ACTR3C: variants seen among roughly 807,000 people sequenced by gnomAD.
ACTR3C encodes the protein actin-related protein 3C.
In ACTR3C, 18 loss-of-function variants were observed where a neutral mutation model predicts 26.3. The ratio of observed to expected loss-of-function variants is 0.68; its 90% CI spans 0.47 to 1.01. ACTR3C has a LOEUF of 1.01. Among genes scored for constraint, ACTR3C ranks in the 50% least tolerant of loss-of-function variants. The probability of loss-of-function intolerance (pLI) is 0.00; values close to 1 mark genes in which losing one functional copy is unlikely to be tolerated. For synonymous variants in ACTR3C, 55 were observed against 94.5 expected (o/e 0.58, Z 2.42); for missense variants, 184 against 250.7 (o/e 0.73, Z 1.80).
the ACTR3C span, among the ~76,000 whole-genome samples, chr7:149,897,168 C>T: frequency 6.6e-6 from 1 of 151,294 alleles, no homozygotes; most frequent in Admixed American, 6.6e-5. Flanking sequence ...AATGTAAATT[C>T]AGAAAAATAA....
the ACTR3C span, among the ~76,000 whole-genome samples, chr7:150,020,563 C>T: frequency 2.6e-5 from 4 of 152,050 alleles, no homozygotes; most frequent in Admixed American, 6.5e-5. Context: ...ATTTGTTTCA[C>T]GCCATGCTTA....
chr7:149,961,115 T>C, the ACTR3C span, among the ~76,000 whole-genome samples: 2 of 150,816 alleles, frequency 1.3e-5, 1 homozygote, highest in South Asian at 4.2e-4. Context: ...TCACAGGAAG[T>C]GTACAGTCAC....
chr7:150,236,241 G>C, the ACTR3C span, among the ~76,000 whole-genome samples: 11 of 152,192 alleles, frequency 7.2e-5, no homozygotes, highest in African/African-American at 2.7e-4. Flanking sequence ...TGAGAGAAAA[G>C]TATCCATGGT....
At chr7:150,295,137 G>A (rs1261266250) in intron 2 of ACTR3C, 115 bp downstream of exon 2, 10 of 1,276,014 alleles carry the variant, frequency 7.8e-6, no homozygotes, top group Admixed American at 2.3e-5. Flanking sequence ...GGGAGGGAGT[G>A]GAAAAAGGAA....
chr7:150,260,126 G>T lies in ACTR3C; in HGVS notation c.565-11072C>A, dbSNP rs1394668705. Reference sequence around the variant, plus strand: ...TATTGCCTATAACTGTTTTTGTACTGCCCTCAGTTGCAACAGAGGCTGCCT... The same window carrying T: ...TATTGCCTATAACTGTTTTTGTACTTCCCTCAGTTGCAACAGAGGCTGCCT... On this transcript the variant is annotated intron_variant, in intron 6 of 7. Transcript: ENST00000683684. Among the ~76,000 whole-genome samples, 13 of 152,056 alleles carry T rather than the reference G, an allele frequency of 8.5e-5. 1 individual carries two copies. The highest frequency in any genetic ancestry group is 7.9e-4 in the Admixed American group (12 of 15,268).
At chr7:150,039,679 G>A in the ACTR3C span, among the ~76,000 whole-genome samples, 7 of 119,840 alleles carry the variant, frequency 5.8e-5, no homozygotes, top group African/African-American at 8.8e-5. Context: ...TAGGATCAAC[G>A]ATGGGGGGTC....
the ACTR3C span, among the ~76,000 whole-genome samples, chr7:150,213,261 GAGAAA>G: frequency 3.1e-4 from 47 of 152,210 alleles, no homozygotes; most frequent in African/African-American, 1.1e-3. Context: ...CCAAGTGTGT[GAGAAA>G]AGAAAAGGGG....
At chr7:150,120,855 G>A in the ACTR3C span, among the ~76,000 whole-genome samples, 1 of 152,130 alleles carries the variant, frequency 6.6e-6, no homozygotes, top group Non-Finnish European at 1.5e-5. Context: ...CTGGAAAACT[G>A]AATACAGCAG....
At chr7:149,901,910 C>CAAA in the ACTR3C span, among the ~76,000 whole-genome samples, 6 of 56,760 alleles carry the variant, frequency 1.1e-4, no homozygotes, top group African/African-American at 4.5e-4. Flanking sequence ...GACTCTGTCT[C>CAAA]AAAAAAAAAA....
the ACTR3C span, among the ~76,000 whole-genome samples, chr7:150,143,379 G>A: frequency 6.6e-6 from 1 of 152,100 alleles, no homozygotes; most frequent in Non-Finnish European, 1.5e-5. Context: ...TCCCCCTATT[G>A]TCGTGGGGGA....
chr7:150,117,917 C>T, the ACTR3C span, among the ~76,000 whole-genome samples: 29 of 152,196 alleles, frequency 1.9e-4, no homozygotes, highest in African/African-American at 7.0e-4. Context: ...GTTCTGCAGC[C>T]TCCACTGGTG....
At chr7:150,253,564 G>T (rs891477672) in intron 6 of ACTR3C, among the ~76,000 whole-genome samples, 1 of 152,000 alleles carries the variant, frequency 6.6e-6, no homozygotes, top group African/African-American at 2.4e-5. Context: ...GTTTTTTGTG[G>T]ATTGATTTTA....
chr7:150,034,034 G>C, the ACTR3C span, among the ~76,000 whole-genome samples: 14 of 150,924 alleles, frequency 9.3e-5, no homozygotes, highest in African/African-American at 2.9e-4. Context: ...CAAGAGCCAG[G>C]GGGGGAAGAG....
At chr7:150,187,565 C>T in the ACTR3C span, among the ~76,000 whole-genome samples, 5,236 of 123,966 alleles carry the variant, frequency 0.042, 162 homozygotes, top group African/African-American at 0.088. Context: ...TTAGTAATCA[C>T]GTCTTCTTCA....
chr7:150,065,432 C>A, the ACTR3C span, among the ~76,000 whole-genome samples: 1 of 152,214 alleles, frequency 6.6e-6, no homozygotes, highest in African/African-American at 2.4e-5. Flanking sequence ...ATGACCACAT[C>A]ATAGTTCTTT....
At chr7:149,971,154 A>G in the ACTR3C span, among the ~76,000 whole-genome samples, 3 of 152,174 alleles carry the variant, frequency 2.0e-5, no homozygotes, top group Non-Finnish European at 2.9e-5. Context: ...TCTGAACACA[A>G]TAGAGTCTCT....
chr7:149,966,879 G>T, the ACTR3C span, among the ~76,000 whole-genome samples: 2 of 151,266 alleles, frequency 1.3e-5, no homozygotes, highest in Admixed American at 6.6e-5. Context: ...GTGTGTGTGG[G>T]GGGACAGAGT....
chr7:150,193,189 A>G, the ACTR3C span, among the ~76,000 whole-genome samples: 1 of 152,130 alleles, frequency 6.6e-6, no homozygotes, highest in African/African-American at 2.4e-5. Flanking sequence ...TAATTGGTAC[A>G]AACATATTCT....
chr7:150,154,432 A>G, the ACTR3C span, among the ~76,000 whole-genome samples: 1 of 151,858 alleles, frequency 6.6e-6, no homozygotes, highest in African/African-American at 2.4e-5. Flanking sequence ...CTGATTACAT[A>G]GGGCGATTTG....
Sources: allele counts gnomAD v4.1 joint callset (sites outside exome capture counted in the v4.1 genomes callset), GRCh38; gene constraint gnomAD v4.1.1; transcripts MANE v1.5; gene names NCBI Gene and HGNC (gene_info 2026-07-23, HGNC 2026-07-21).